The following POU2AF1 variants were observed in gnomAD, a reference collection of about 807,000 sequenced individuals.
The protein encoded by POU2AF1 is POU class 2 homeobox associating factor 1, also known as POU domain class 2-associating factor 1.
POU2AF1 carries 12 observed loss-of-function variants against 26.3 expected under a neutral mutation model. The observed-to-expected ratio is 0.46, with a 90% CI of 0.29 to 0.74. The LOEUF (loss-of-function observed/expected upper bound fraction) is 0.74. POU2AF1 is among the 30% of genes least tolerant of loss of function. The pLI, the probability that POU2AF1 is intolerant of heterozygous loss-of-function variation, is 0.09. For missense variants in POU2AF1, 297 were observed against 334.5 expected (o/e 0.89, Z 0.87); for synonymous variants, 175 against 148.0 (o/e 1.18, Z -1.32).
chr11:111,364,952 A>G (rs1008241732), intron 1 of POU2AF1, among the ~76,000 whole-genome samples: 3 of 152,222 alleles, frequency 2.0e-5, no homozygotes, highest in Non-Finnish European at 4.4e-5. Context: ...AGGCAAATGG[A>G]TATCCAGTTG....
intron 1 of POU2AF1, among the ~76,000 whole-genome samples, chr11:111,374,270 C>T (rs1411667836): frequency 6.6e-6 from 1 of 152,048 alleles, no homozygotes; most frequent in African/African-American, 2.4e-5. Context: ...GTAAAATATC[C>T]ATCAAGAACA....
intron 1 of POU2AF1, among the ~76,000 whole-genome samples, chr11:111,367,153 C>A (rs1861120836): frequency 1.3e-5 from 2 of 152,114 alleles, no homozygotes; most frequent in African/African-American, 4.8e-5. Context: ...GATCCTTTCC[C>A]CGGCACTCTC....
intron 1 of POU2AF1, among the ~76,000 whole-genome samples, chr11:111,370,538 C>G (rs1456641064): frequency 1.3e-5 from 2 of 152,088 alleles, no homozygotes; most frequent in Non-Finnish European, 2.9e-5. Flanking sequence ...AGTTATGGTG[C>G]CTGCAGGTGC....
At chr11:111,358,139 T>C (rs557860457) in intron 2 of POU2AF1, among the ~76,000 whole-genome samples, 1 of 152,152 alleles carries the variant, frequency 6.6e-6, no homozygotes, top group African/African-American at 2.4e-5. Flanking sequence ...GTAGCTGTGT[T>C]CGGTGGGCCA....
chr11:111,368,077 G>A (rs796737710), intron 1 of POU2AF1, among the ~76,000 whole-genome samples: 5 of 152,342 alleles, frequency 3.3e-5, no homozygotes, highest in African/African-American at 1.2e-4. Context: ...GTCTAGTCTA[G>A]TGGGGTACAC....
chr11:111,355,089 G>C (rs1190082852), intron 4 of POU2AF1, among the ~76,000 whole-genome samples: 1 of 152,176 alleles, frequency 6.6e-6, no homozygotes, highest in Non-Finnish European at 1.5e-5. Flanking sequence ...GGTCCCCTTG[G>C]GCCAACACAG....
At position 111,354,086 on chromosome 11, in the gene POU2AF1, G is replaced by C. The variant is rs896871714; in HGVS notation, c.*175C>G. ...GAAGGATGGGGGAGAGGGAGGAAGT[G>C]AGGGAGGGAGGGGAAGGAAGAAGGG... On this transcript the variant is annotated 3_prime_UTR_variant, in exon 5 of 5. Coordinates refer to ENST00000393067, the MANE Select transcript of POU2AF1 (RefSeq NM_006235.3). The C allele has an allele frequency of 1.0e-5, 6 of 597,930 alleles. No homozygotes were observed. Among genetic ancestry groups the C allele is most frequent in the Admixed American group, 7.6e-5 (2 of 26,390 alleles). 37.0% of individuals were successfully genotyped at this position (597,930 alleles called of 1,614,324 possible).
At chr11:111,360,811 G>A (rs570404949) in intron 1 of POU2AF1, among the ~76,000 whole-genome samples, 1 of 152,120 alleles carries the variant, frequency 6.6e-6, no homozygotes, top group East Asian at 1.9e-4. Context: ...AGATGTGGTG[G>A]CAGGCACCTG....
In POU2AF1 at chr11:111,353,390, C is replaced by G. The variant is rs1313386150; in HGVS notation, c.*871G>C. On this transcript the variant is annotated 3_prime_UTR_variant, in exon 5 of 5. Transcript: ENST00000393067. ...CACACCCCTCTCTCCAACTAAGATGCACAGCCTGTTCCCATCCCTCCTCTG... is the reference window on the plus strand; with the variant it reads ...CACACCCCTCTCTCCAACTAAGATGGACAGCCTGTTCCCATCCCTCCTCTG... 4.3e-6 allele frequency: 1 copy of G among 233,838 alleles called. No homozygotes were observed. Among genetic ancestry groups the G allele is most frequent in the Non-Finnish European group, 8.4e-6 (1 of 118,414 alleles). 14.5% of individuals were successfully genotyped at this position (233,838 alleles called of 1,614,324 possible).
chr11:111,367,355 A>G (rs1861124781), intron 1 of POU2AF1, among the ~76,000 whole-genome samples: 1 of 152,158 alleles, frequency 6.6e-6, no homozygotes, highest in Admixed American at 6.5e-5. Context: ...TCCTATTTGC[A>G]TGATGTTCCA....
intron 1 of POU2AF1, among the ~76,000 whole-genome samples, chr11:111,367,155 G>A (rs76730385): frequency 0.011 from 1,630 of 152,126 alleles, 30 homozygotes; most frequent in African/African-American, 0.037. Context: ...TCCTTTCCCC[G>A]GCACTCTCCG....
intron 1 of POU2AF1, chr11:111,364,343 G>C (rs1657177496): frequency 6.6e-6 from 1 of 152,244 alleles, no homozygotes; most frequent in Admixed American, 6.5e-5. Context: ...TGGTGCTCCA[G>C]TTCCTTGATG....
At chr11:111,357,913 G>A in intron 2 of POU2AF1, 76 bp from the exon 3 acceptor site, 1 of 1,410,602 alleles carries the variant, frequency 7.1e-7, no homozygotes, top group Non-Finnish European at 9.5e-7. Context: ...CTTGCCCAGA[G>A]GGCCTCAGGG....
intron 4 of POU2AF1, among the ~76,000 whole-genome samples, chr11:111,355,486 C>T (rs1449047082): frequency 6.6e-6 from 1 of 152,212 alleles, no homozygotes; most frequent in Non-Finnish European, 1.5e-5. Flanking sequence ...AGGCCAAAAT[C>T]TCCCCCTACC....
intron 1 of POU2AF1, chr11:111,363,122 T>C (rs2135122726): frequency 9.9e-7 from 1 of 1,010,152 alleles, no homozygotes; most frequent in South Asian, 4.7e-5. Context: ...GAACTCAGTG[T>C]CAACAGGTGT....
chr11:111,363,311 C>T (rs1042922726), intron 1 of POU2AF1: 2 of 1,026,248 alleles, frequency 1.9e-6, no homozygotes, highest in Non-Finnish European at 1.2e-6. Context: ...GGGTGCTTCT[C>T]ATAGTGACTT....
At chr11:111,375,145 G>T (rs1861283107) in intron 1 of POU2AF1, among the ~76,000 whole-genome samples, 1 of 152,104 alleles carries the variant, frequency 6.6e-6, no homozygotes, top group South Asian at 2.1e-4. Context: ...AAGAAAATCA[G>T]TCAAGCCTGC....
intron 1 of POU2AF1, among the ~76,000 whole-genome samples, chr11:111,367,678 G>A (rs1363022107): frequency 1.3e-5 from 2 of 152,128 alleles, no homozygotes; most frequent in Non-Finnish European, 2.9e-5. Flanking sequence ...TAAAGTCTGG[G>A]CTTGGACTAC....
intron 1 of POU2AF1, among the ~76,000 whole-genome samples, chr11:111,377,371 C>G (rs1374414473): frequency 1.3e-5 from 2 of 152,044 alleles, no homozygotes; most frequent in Non-Finnish European, 2.9e-5. Flanking sequence ...CAGAGCAACA[C>G]TCTGTCTCAA....
Sources: gnomAD v4.1 joint callset for allele counts (sites outside exome capture counted in the v4.1 genomes callset) on GRCh38, gnomAD v4.1.1 for gene constraint, MANE v1.5 for transcripts, NCBI Gene and HGNC (gene_info 2026-07-23, HGNC 2026-07-21) for gene names.